Variants in FBXW11 observed in about 807,000 individuals in gnomAD.
FBXW11 encodes F-box and WD repeat domain containing 11.
FBXW11 carries 19 observed loss-of-function variants against 77.6 expected under a neutral mutation model. The ratio of observed to expected loss-of-function variants is 0.24; its 90% CI spans 0.17 to 0.36. The LOEUF is 0.36. Among genes scored for constraint, FBXW11 ranks in the 10% least tolerant of loss-of-function variants. The pLI is 1.00. For missense variants in FBXW11, 334 were observed against 704.2 expected (o/e 0.47, Z 5.95); for synonymous variants, 235 against 249.4 (o/e 0.94, Z 0.54).
intron 1 of FBXW11, among the ~76,000 whole-genome samples, chr5:171,969,231 G>A (rs535794336): frequency 6.6e-5 from 10 of 152,254 alleles, no homozygotes; most frequent in East Asian, 5.8e-4. Flanking sequence ...TCACGCCACC[G>A]CGCTCTAGCC....
chr5:171,976,319 C>A (rs10065854), intron 1 of FBXW11, among the ~76,000 whole-genome samples: 1 of 152,094 alleles, frequency 6.6e-6, no homozygotes, highest in South Asian at 2.1e-4. Flanking sequence ...ACAGAAAACA[C>A]CAAGAGTTTA....
chr5:171,998,997 A>G (rs1766250564), intron 1 of FBXW11, among the ~76,000 whole-genome samples: 1 of 152,124 alleles, frequency 6.6e-6, no homozygotes, highest in Non-Finnish European at 1.5e-5. Flanking sequence ...TATTGTAGGT[A>G]AGGCAATTAA....
chr5:171,872,155 G>A (rs193162703), intron 10 of FBXW11, among the ~76,000 whole-genome samples: 7 of 152,114 alleles, frequency 4.6e-5, no homozygotes, highest in South Asian at 2.1e-4. Context: ...AATTATAAAC[G>A]CCAAAGTTTA....
At chr5:171,877,346 G>T (rs1758157103) in intron 8 of FBXW11, among the ~76,000 whole-genome samples, 1 of 152,172 alleles carries the variant, frequency 6.6e-6, no homozygotes, top group Non-Finnish European at 1.5e-5. Flanking sequence ...ACAGGCCTCT[G>T]AGTCTATCAG....
At chr5:171,927,063 A>C (rs1187907449) in intron 2 of FBXW11, among the ~76,000 whole-genome samples, 1 of 152,238 alleles carries the variant, frequency 6.6e-6, no homozygotes, top group Non-Finnish European at 1.5e-5. Flanking sequence ...TAAGTGTAAA[A>C]GACAAAGCAG....
intron 1 of FBXW11, among the ~76,000 whole-genome samples, chr5:171,984,796 ATTTAC>A (rs1252378374): frequency 1.3e-5 from 2 of 152,194 alleles, no homozygotes; most frequent in Non-Finnish European, 2.9e-5. Context: ...CACTATAAAT[ATTTAC>A]TTTATGCACA....
intron 2 of FBXW11, among the ~76,000 whole-genome samples, chr5:171,949,289 A>G (rs1396025528): frequency 6.6e-6 from 1 of 152,240 alleles, no homozygotes; most frequent in African/African-American, 2.4e-5. Context: ...AGGAAGTGAA[A>G]CATGCGCATA....
At chr5:171,892,600 T>A (rs1759429789) in intron 6 of FBXW11, among the ~76,000 whole-genome samples, 1 of 152,212 alleles carries the variant, frequency 6.6e-6, no homozygotes. Flanking sequence ...GCTGCAGGAC[T>A]TAAGGGAGAT....
intron 2 of FBXW11, among the ~76,000 whole-genome samples, chr5:171,934,676 CAAAAAAAAA>C (rs34077162): frequency 4.3e-5 from 3 of 69,204 alleles, no homozygotes; most frequent in Non-Finnish European, 8.8e-5. Flanking sequence ...GACCCTGTCT[CAAAAAAAAA>C]AAAAAAAAAT....
At chr5:171,909,926 G>A (rs1421531662) in intron 4 of FBXW11, among the ~76,000 whole-genome samples, 1 of 152,100 alleles carries the variant, frequency 6.6e-6, no homozygotes. Flanking sequence ...TATGTTTGAA[G>A]GGAAAAGAGT....
chr5:171,968,096 T>C (rs1764317667), intron 1 of FBXW11, among the ~76,000 whole-genome samples: 1 of 152,022 alleles, frequency 6.6e-6, no homozygotes, highest in South Asian at 2.1e-4. Context: ...TCATAGCAAC[T>C]TGCCCCCTGA....
intron 1 of FBXW11, among the ~76,000 whole-genome samples, chr5:171,959,885 A>C (rs909948092): frequency 5.9e-5 from 9 of 152,020 alleles, no homozygotes; most frequent in African/African-American, 1.7e-4. Flanking sequence ...AAGAAAAAAA[A>C]CCAGCAACTT....
At chr5:171,960,677 C>T (rs139957785) in intron 1 of FBXW11, among the ~76,000 whole-genome samples, 230 of 152,190 alleles carry the variant, frequency 1.5e-3, no homozygotes, top group African/African-American at 5.2e-3. Flanking sequence ...CCTCGCACTG[C>T]TAATTTTAGA....
rs915660512 is a variant in FBXW11 at position 171,873,435 on chromosome 5, A to C, written c.1222-445T>G. Among the ~76,000 whole-genome samples the C allele has an allele frequency of 6.6e-5, 10 of 152,276 alleles. No homozygotes were observed. The East Asian group carries it at 1.9e-3, about 29-fold the overall frequency. On this transcript the variant is annotated intron_variant, in intron 9 of 13. Transcript: ENST00000517395. ...TGAGACAGGAGAATTGCTTGAGCTA[A>C]AGAGTTCGAGACCAGCCTGGGCAAA...
chr5:171,910,812 C>T lies in FBXW11; in HGVS notation c.211-15G>A, dbSNP rs761715243. 5.8e-6 allele frequency: 8 copies of T among 1,380,578 alleles called. No individual in the cohort carries two copies. The highest frequency in any genetic ancestry group is 7.8e-6 in the Non-Finnish European group (8 of 1,031,732). 85.5% of individuals were successfully genotyped at this position (1,380,578 alleles called of 1,614,324 possible). On this transcript the variant is annotated splice_polypyrimidine_tract_variant and intron_variant, in intron 3 of 13. Transcript: ENST00000517395. Reference sequence around the variant, plus strand: ...CCATTACTTATCTATTTTAGAAAAACAAAAAAAAAATTAGTTTAACAAGGA... The same window carrying T: ...CCATTACTTATCTATTTTAGAAAAATAAAAAAAAAATTAGTTTAACAAGGA...
chr5:171,972,306 C>T (rs1053744552), intron 1 of FBXW11, among the ~76,000 whole-genome samples: 4 of 139,940 alleles, frequency 2.9e-5, no homozygotes, highest in African/African-American at 8.0e-5. Flanking sequence ...AATGAGACCT[C>T]GTCTCTACAA....
In FBXW11 at chr5:171,862,320, G is replaced by A. The variant is rs1757140794; in HGVS notation, c.*1807C>T. On this transcript the variant is annotated 3_prime_UTR_variant, in exon 14 of 14. Coordinates refer to ENST00000517395, the MANE Select transcript of FBXW11 (RefSeq NM_001378974.1). ...TTAATTTAGTAACATGGGAAGGAAG[G>A]ATTTTATTTTTAAAAGAAAAACTAA... 6.6e-6 allele frequency: 1 copy of A among 152,538 alleles called. No homozygotes were observed. The highest frequency in any genetic ancestry group is 1.5e-5 in the Non-Finnish European group (1 of 68,030). 9.4% of individuals were successfully genotyped at this position (152,538 alleles called of 1,614,324 possible).
intron 4 of FBXW11, among the ~76,000 whole-genome samples, chr5:171,905,971 C>T (rs1012924226): frequency 1.3e-5 from 2 of 152,142 alleles, no homozygotes; most frequent in Non-Finnish European, 2.9e-5. Context: ...TGAAGACATG[C>T]TGCTGTTGTT....
At chr5:171,993,408 T>C (rs571297541) in intron 1 of FBXW11, among the ~76,000 whole-genome samples, 9 of 152,056 alleles carry the variant, frequency 5.9e-5, no homozygotes, top group African/African-American at 2.2e-4. Context: ...GGTCAAGAGA[T>C]CGAGACCATC....
Sources: gnomAD v4.1 joint callset for allele counts (sites outside exome capture counted in the v4.1 genomes callset) on GRCh38, gnomAD v4.1.1 for gene constraint, MANE v1.5 for transcripts, NCBI Gene and HGNC (gene_info 2026-07-23, HGNC 2026-07-21) for gene names.